Variants in MAP3K21 observed in about 807,000 individuals in gnomAD.
MAP3K21 encodes the protein mitogen-activated protein kinase kinase kinase 21.
In MAP3K21, 63 loss-of-function variants were observed where a neutral mutation model predicts 86.1. That is an observed-to-expected ratio of 0.73 (90% CI 0.60 to 0.90). The LOEUF is 0.90. Among genes scored for constraint, MAP3K21 ranks in the 40% least tolerant of loss-of-function variants. The pLI, the probability that MAP3K21 is intolerant of heterozygous loss-of-function variation, is 0.00. For synonymous variants in MAP3K21, 558 were observed against 564.8 expected (o/e 0.99, Z 0.17); for missense variants, 1,220 against 1,367.7 (o/e 0.89, Z 1.70).
intron 1 of MAP3K21, among the ~76,000 whole-genome samples, chr1:233,331,499 A>T (rs1027701900): frequency 3.9e-5 from 6 of 152,178 alleles, no homozygotes; most frequent in Non-Finnish European, 7.4e-5. Flanking sequence ...TCTTGTTTAG[A>T]CTTTTAAGTA....
Position 233,352,249 on chromosome 1 carries a change from C to G in MAP3K21, c.987-1558C>G, listed in dbSNP as rs576390704. The stretch of plus-strand genomic sequence containing the variant: ...TGGGGTACATAGTGATGTTCCAATA[C>G]ATACAATGTGTGGTGATCGGATCAG... On this transcript the variant is annotated intron_variant, in intron 2 of 9. Transcript: ENST00000366624. Among the ~76,000 whole-genome samples, 4 of 152,252 alleles carry G rather than the reference C, an allele frequency of 2.6e-5. No homozygotes were observed. The South Asian group carries it at 6.2e-4, about 24-fold the overall frequency.
chr1:233,373,402 A>G (rs1354077392), intron 6 of MAP3K21: 2 of 152,262 alleles, frequency 1.3e-5, no homozygotes, highest in Admixed American at 1.3e-4. Context: ...GGTACTGGGA[A>G]GGCCTGGCTG....
chr1:233,382,162 G>A, intron 9 of MAP3K21, 143 bp from the exon 10 acceptor site: 1 of 720,794 alleles, frequency 1.4e-6, no homozygotes, highest in Non-Finnish European at 2.3e-6. Context: ...CTATGATCAT[G>A]CCTGTGAATG....
chr1:233,369,496 T>C (rs1253440633), intron 5 of MAP3K21, among the ~76,000 whole-genome samples: 1 of 152,202 alleles, frequency 6.6e-6, no homozygotes, highest in Non-Finnish European at 1.5e-5. Flanking sequence ...AAACTTGGTT[T>C]CTTCCAGGAA....
intron 5 of MAP3K21, among the ~76,000 whole-genome samples, chr1:233,371,485 C>T (rs527384377): frequency 3.9e-5 from 6 of 152,228 alleles, no homozygotes; most frequent in Admixed American, 6.5e-5. Flanking sequence ...CTCAGCCTTC[C>T]GAGTAGCTGG....
intron 2 of MAP3K21, among the ~76,000 whole-genome samples, chr1:233,347,309 CT>C (rs1257575797): frequency 6.6e-6 from 1 of 152,174 alleles, no homozygotes; most frequent in Non-Finnish European, 1.5e-5. Flanking sequence ...ATTGCATCAT[CT>C]AAAGATTAAA....
intron 7 of MAP3K21, 107 bp downstream of exon 7, chr1:233,376,173 G>A (rs1663793059): frequency 1.1e-6 from 1 of 892,164 alleles, no homozygotes; most frequent in East Asian, 2.7e-5. Flanking sequence ...TTAATAGAGA[G>A]ATTTATAAAT....
At chr1:233,331,787 A>G (rs1394100868) in intron 1 of MAP3K21, among the ~76,000 whole-genome samples, 1 of 152,166 alleles carries the variant, frequency 6.6e-6, no homozygotes, top group Non-Finnish European at 1.5e-5. Flanking sequence ...CTCAAGTTTT[A>G]TCATATCTTG....
intron 1 of MAP3K21, among the ~76,000 whole-genome samples, chr1:233,334,038 T>G (rs1393898662): frequency 6.6e-6 from 1 of 152,124 alleles, no homozygotes; most frequent in Admixed American, 6.5e-5. Flanking sequence ...AATTTTTTTT[T>G]GTATTTTTAG....
chr1:233,349,170 T>G (rs1040837192), intron 2 of MAP3K21, among the ~76,000 whole-genome samples: 9 of 152,186 alleles, frequency 5.9e-5, no homozygotes, highest in African/African-American at 2.2e-4. Context: ...AGGCTGAGCG[T>G]GTGTGTTTTT....
intron 5 of MAP3K21, among the ~76,000 whole-genome samples, chr1:233,367,565 G>A (rs144698807): frequency 2.0e-3 from 302 of 152,260 alleles, no homozygotes; most frequent in Non-Finnish European, 3.6e-3. Flanking sequence ...GGATGTTTAC[G>A]ATAAAGAATG....
At chr1:233,333,647 A>G (rs1163590193) in intron 1 of MAP3K21, among the ~76,000 whole-genome samples, 1 of 152,124 alleles carries the variant, frequency 6.6e-6, no homozygotes, top group Non-Finnish European at 1.5e-5. Context: ...TGAGGGGTAT[A>G]GCTAGTTAGT....
At chr1:233,353,072 G>A (rs1308065833) in intron 2 of MAP3K21, among the ~76,000 whole-genome samples, 1 of 152,108 alleles carries the variant, frequency 6.6e-6, no homozygotes, top group East Asian at 1.9e-4. Context: ...GCCTTTGCTT[G>A]TTCTTGTTTG....
intron 5 of MAP3K21, among the ~76,000 whole-genome samples, chr1:233,364,607 A>G (rs1180641511): frequency 1.3e-5 from 2 of 152,206 alleles, no homozygotes; most frequent in Non-Finnish European, 2.9e-5. Context: ...TTCTTCTCAA[A>G]TGTTCCTTGG....
intron 9 of MAP3K21, among the ~76,000 whole-genome samples, chr1:233,380,079 G>T (rs1663885524): frequency 6.6e-6 from 1 of 152,216 alleles, no homozygotes; most frequent in South Asian, 2.1e-4. Context: ...TGCGGGCCTT[G>T]TCTCCTCCAC....
At position 233,372,064 on chromosome 1, in the gene MAP3K21, G is replaced by C; in HGVS notation, c.1579G>C (p.Ala527Pro). Residue 527 changes from alanine to proline, a missense_variant, in exon 6 of 10, where the codon GCC (alanine) becomes CCC (proline). Around this residue, in one of 5 missense-constraint regions of MAP3K21, gnomAD observed 632 missense variants for 691.3 expected, o/e 0.91. Coordinates refer to ENST00000366624, the MANE Select transcript of MAP3K21 (RefSeq NM_032435.3). ...SDFQHKITVQ[A>P]SPNLDKRRSL... is the part of the protein sequence containing the mutation. ...TTTCCAGCACAAGATAACCGTGCAG[G>C]CCTCTCCCAACTTGGACAAACGGCG... The C allele has an allele frequency of 6.2e-7, 1 of 1,614,006 alleles. No individual in the cohort carries two copies.
intron 1 of MAP3K21, among the ~76,000 whole-genome samples, chr1:233,339,507 G>C (rs1187932213): frequency 7.7e-6 from 1 of 129,582 alleles, no homozygotes; most frequent in African/African-American, 2.8e-5. Flanking sequence ...TTGAGGCAGG[G>C]TCTTTCTCTG....
intron 5 of MAP3K21, among the ~76,000 whole-genome samples, chr1:233,368,063 G>T (rs1663612672): frequency 6.6e-6 from 1 of 152,002 alleles, no homozygotes; most frequent in Non-Finnish European, 1.5e-5. Flanking sequence ...AGTATTTATT[G>T]TCCCATCATT....
intron 1 of MAP3K21, among the ~76,000 whole-genome samples, chr1:233,338,666 C>T (rs76064571): frequency 0.014 from 2,117 of 152,188 alleles, 54 homozygotes; most frequent in African/African-American, 0.048. Flanking sequence ...AACAAGAGGC[C>T]AGTGTGCTGG....
Sources: allele counts gnomAD v4.1 joint callset (sites outside exome capture counted in the v4.1 genomes callset), GRCh38; gene constraint gnomAD v4.1.1; regional missense constraint gnomAD v4.1.1; transcripts MANE v1.5; gene names NCBI Gene and HGNC (gene_info 2026-07-23, HGNC 2026-07-21).